CNIH3: variants seen among roughly 807,000 people sequenced by gnomAD.
The protein encoded by CNIH3 is protein cornichon homolog 3.
Under a neutral mutation model 24.1 loss-of-function variants are expected in CNIH3, and 14 were observed. The observed-to-expected ratio is 0.58, with a 90% CI of 0.38 to 0.91. CNIH3 has a LOEUF of 0.91. Ranked by LOEUF, CNIH3 falls within the 40% of genes least tolerant of loss-of-function variation. The pLI, the probability that CNIH3 is intolerant of heterozygous loss-of-function variation, is 0.00. For synonymous variants in CNIH3, 68 were observed against 73.8 expected (o/e 0.92, Z 0.40); for missense variants, 178 against 196.8 (o/e 0.90, Z 0.57).
At chr1:224,590,681 A>AC (rs537794697), downstream of CNIH3, among the ~76,000 whole-genome samples, 418 of 150,926 alleles carry the variant, frequency 2.8e-3, 1 homozygote, top group African/African-American at 9.4e-3. Context: ...TGACCTAAAC[A>AC]CCCCCCCTTA....
intron 1 of CNIH3, among the ~76,000 whole-genome samples, chr1:224,470,240 G>C (rs1034770879): frequency 6.6e-6 from 1 of 150,964 alleles, no homozygotes; most frequent in Admixed American, 6.6e-5. Flanking sequence ...GGATAGTCTC[G>C]ATCTCCTGAC....
chr1:224,689,285 TATG>T (rs1686813696), intron 3 of CNIH3, among the ~76,000 whole-genome samples: 1 of 152,188 alleles, frequency 6.6e-6, no homozygotes, highest in Non-Finnish European at 1.5e-5. Flanking sequence ...AGTGAGGTAA[TATG>T]GTACATCTGG....
chr1:224,458,965 G>A lies in CNIH3; in HGVS notation n.203+24103G>A, dbSNP rs1675794341. 6.6e-6 allele frequency among the ~76,000 whole-genome samples: 1 copy of A among 152,160 alleles called. No individual in the cohort carries two copies. The highest frequency in any genetic ancestry group is 2.4e-5 in the African/African-American group (1 of 41,418). On this transcript the variant is annotated intron_variant and non_coding_transcript_variant, in intron 1 of 5. Coordinates refer to the CNIH3 transcript ENST00000471578. The surrounding 1 kb of genome is among the most constrained non-coding windows in gnomAD (Gnocchi z 4.3). Reference sequence around the variant, plus strand: ...AAGGGGAAAATTTAAGCACCATACTGTTATGTGGTCCTTGTACCCAGAGGC... The same window carrying A: ...AAGGGGAAAATTTAAGCACCATACTATTATGTGGTCCTTGTACCCAGAGGC...
intron 1 of CNIH3, among the ~76,000 whole-genome samples, chr1:224,480,418 A>G (rs1352389578): frequency 6.6e-6 from 1 of 152,148 alleles, no homozygotes; most frequent in Non-Finnish European, 1.5e-5. Flanking sequence ...GCTTCTCCTC[A>G]CTTGTGCAAA....
At chr1:224,545,352 A>G (rs6689059) in intron 2 of CNIH3, among the ~76,000 whole-genome samples, 6,500 of 152,250 alleles carry the variant, frequency 0.043, 460 homozygotes, top group African/African-American at 0.15. Flanking sequence ...CCTTTCTATT[A>G]TAACGTTCAG....
At chr1:224,702,792 A>G (rs1441132089) in intron 3 of CNIH3, among the ~76,000 whole-genome samples, 1 of 152,130 alleles carries the variant, frequency 6.6e-6, no homozygotes, top group Non-Finnish European at 1.5e-5. Flanking sequence ...GGAGACTTCT[A>G]CTAGAGACCT....
At chr1:224,594,732 G>GT (rs1246448813) in intron 3 of CNIH3, among the ~76,000 whole-genome samples, 1 of 152,120 alleles carries the variant, frequency 6.6e-6, no homozygotes, top group Non-Finnish European at 1.5e-5. Flanking sequence ...CTAGTTGCCT[G>GT]GTACCTGGCT....
intron 1 of CNIH3, among the ~76,000 whole-genome samples, chr1:224,497,935 GT>G (rs1677501189): frequency 6.6e-6 from 1 of 152,168 alleles, no homozygotes. Flanking sequence ...ATTTTCCAAA[GT>G]GAGCTCATCA....
intron 4 of CNIH3, among the ~76,000 whole-genome samples, chr1:224,732,952 A>T (rs1689413881): frequency 6.6e-6 from 1 of 152,118 alleles, no homozygotes; most frequent in Non-Finnish European, 1.5e-5. Context: ...ATGAAAGAAA[A>T]AAAAGAATGA....
intron 1 of CNIH3, among the ~76,000 whole-genome samples, chr1:224,489,834 G>A (rs1175941604): frequency 2.6e-5 from 4 of 152,192 alleles, no homozygotes; most frequent in Non-Finnish European, 4.4e-5. Context: ...CTGATTTCTT[G>A]TAGATGGTGT....
intron 2 of CNIH3, among the ~76,000 whole-genome samples, chr1:224,681,289 G>A (rs1686389285): frequency 6.6e-6 from 1 of 152,166 alleles, no homozygotes; most frequent in Non-Finnish European, 1.5e-5. Flanking sequence ...AGTCCTCAAA[G>A]CCTGGTGCTC....
At chr1:224,524,385 T>C (rs1158920529) in intron 2 of CNIH3, among the ~76,000 whole-genome samples, 2 of 152,216 alleles carry the variant, frequency 1.3e-5, no homozygotes, top group Non-Finnish European at 2.9e-5. Context: ...GAAATTCTGT[T>C]ATATTCTGCT....
chr1:224,489,092 T>C (rs1677142720), intron 1 of CNIH3, among the ~76,000 whole-genome samples: 1 of 152,250 alleles, frequency 6.6e-6, no homozygotes. Flanking sequence ...GTCAATACAT[T>C]GCAGAGATTC....
At chr1:224,694,323 G>C (rs1421190392) in intron 3 of CNIH3, among the ~76,000 whole-genome samples, 1 of 152,210 alleles carries the variant, frequency 6.6e-6, no homozygotes, top group African/African-American at 2.4e-5. Flanking sequence ...AAGTAAAGAA[G>C]TCCAGCAGCC....
chr1:224,608,581 TCTA>T (rs2125049027), intron 3 of CNIH3, among the ~76,000 whole-genome samples: 1 of 152,318 alleles, frequency 6.6e-6, no homozygotes, highest in South Asian at 2.1e-4. Flanking sequence ...ATATCTGGAA[TCTA>T]TAGATAACAT....
At chr1:224,590,278 T>C (rs1346981487), downstream of CNIH3, among the ~76,000 whole-genome samples, 1 of 152,244 alleles carries the variant, frequency 6.6e-6, no homozygotes. Flanking sequence ...TTCCACTATA[T>C]GGCTGTATGA....
At chr1:224,626,725 G>A (rs1357002647) in intron 1 of CNIH3, among the ~76,000 whole-genome samples, 2 of 152,128 alleles carry the variant, frequency 1.3e-5, no homozygotes, top group East Asian at 1.9e-4. Flanking sequence ...TTACAACATA[G>A]CATTGACCTA....
intron 3 of CNIH3, among the ~76,000 whole-genome samples, chr1:224,723,122 G>T (rs1688822062): frequency 1.3e-5 from 2 of 152,184 alleles, no homozygotes; most frequent in South Asian, 4.1e-4. Context: ...TCCCCAACGA[G>T]CAGTGAGGAC....
Position 224,739,443 on chromosome 1 carries a change from C to A in CNIH3, c.*87C>A. On this transcript the variant is annotated 3_prime_UTR_variant, in exon 6 of 6. Transcript: ENST00000272133. ...TTTCTGCTGGTGACTGGAGGAGGGACCAGAATGAGGATACGTGAGAAATAG... is the reference window on the plus strand; with the variant it reads ...TTTCTGCTGGTGACTGGAGGAGGGAACAGAATGAGGATACGTGAGAAATAG... 1 of 1,577,882 alleles carries A rather than the reference C, an allele frequency of 6.3e-7. No homozygotes were observed. The highest frequency in any genetic ancestry group is 8.6e-7 in the Non-Finnish European group (1 of 1,168,534).
Sources: gnomAD v4.1 joint callset for allele counts (sites outside exome capture counted in the v4.1 genomes callset) on GRCh38, gnomAD v4.1.1 for gene constraint, Gnocchi (gnomAD v3.1) non-coding constraint, MANE v1.5 for transcripts, NCBI Gene and HGNC (gene_info 2026-07-23, HGNC 2026-07-21) for gene names.